Variants in SRGAP2 observed in about 807,000 individuals in gnomAD.
SRGAP2 encodes the protein SLIT-ROBO Rho GTPase-activating protein 2.
SRGAP2 carries 15 observed loss-of-function variants against 57.2 expected under a neutral mutation model. The observed-to-expected ratio is 0.26, with a 90% CI of 0.18 to 0.40. The LOEUF (loss-of-function observed/expected upper bound fraction) is 0.40. Among genes scored for constraint, SRGAP2 ranks in the 10% least tolerant of loss-of-function variants. The pLI is 1.00. For missense variants in SRGAP2, 520 were observed against 669.6 expected (o/e 0.78, Z 2.47); for synonymous variants, 249 against 248.0 (o/e 1.00, Z -0.04).
chr1:206,424,197 A>G (rs1660596118), intron 13 of SRGAP2, among the ~76,000 whole-genome samples: 1 of 151,970 alleles, frequency 6.6e-6, no homozygotes, highest in Admixed American at 6.6e-5. Context: ...AGTTCCCTTA[A>G]TCTGATTGGA....
chr1:206,319,241 C>T (rs1256539474), intron 3 of SRGAP2, among the ~76,000 whole-genome samples: 1 of 147,698 alleles, frequency 6.8e-6, no homozygotes. Flanking sequence ...GAAACCCCAT[C>T]TCTACTAAAA....
chr1:206,398,527 A>G (rs1285679289), intron 7 of SRGAP2, among the ~76,000 whole-genome samples: 1 of 152,012 alleles, frequency 6.6e-6, no homozygotes, highest in Non-Finnish European at 1.5e-5. Context: ...AGCAAAACAA[A>G]TGGCTTCACT....
chr1:206,439,903 T>C, intron 16 of SRGAP2, 73 bp from the exon 17 acceptor site: 1 of 741,076 alleles, frequency 1.3e-6, no homozygotes, highest in Admixed American at 1.9e-5. Context: ...CTGCTGGTAG[T>C]AGGGACTTCT....
Position 206,306,252 on chromosome 1 carries a change from G to T in SRGAP2, c.260+2779G>T, listed in dbSNP as rs1464291583. 1.5e-3 allele frequency among the ~76,000 whole-genome samples: 218 copies of T among 143,294 alleles called. 3 individuals carry two copies. In the East Asian group the frequency reaches 0.03, roughly 20 times the overall value. The allele number at this position is 143,294 out of a possible 152,430, so 94.0% of individuals were successfully genotyped here. On this transcript the variant is annotated intron_variant, in intron 3 of 22. Transcript: ENST00000573034. ...TCTTAAGGTGGTGTGTCTGGAGTCT[G>T]TCCCTTCTGATGTTCAGATGTGTTC... is the stretch of plus-strand genomic sequence containing the variant.
At chr1:206,359,798 CTTTTTTTTTT>C (rs1166916482) in intron 4 of SRGAP2, among the ~76,000 whole-genome samples, 7 of 70,228 alleles carry the variant, frequency 1.0e-4, no homozygotes, top group African/African-American at 2.4e-4. Flanking sequence ...GGATATTGCT[CTTTTTTTTTT>C]TTTTTTTTTT....
At chr1:206,366,532 A>T (rs1186654753) in intron 4 of SRGAP2, among the ~76,000 whole-genome samples, 1 of 151,932 alleles carries the variant, frequency 6.6e-6, no homozygotes, top group East Asian at 1.9e-4. Flanking sequence ...GGGAGAGGAC[A>T]GCCTGGCATG....
intron 10 of SRGAP2, among the ~76,000 whole-genome samples, chr1:206,414,191 T>G (rs1405089603): frequency 1.3e-5 from 2 of 151,962 alleles, no homozygotes; most frequent in South Asian, 2.1e-4. Flanking sequence ...ACCACCACCA[T>G]GCCCGGCTAA....
At chr1:206,371,327 A>C (rs1553342582) in intron 4 of SRGAP2, among the ~76,000 whole-genome samples, 1 of 150,960 alleles carries the variant, frequency 6.6e-6, no homozygotes, top group Non-Finnish European at 1.5e-5. Context: ...TCGCCAGCAG[A>C]CTTGCACTAA....
chr1:206,279,286 CT>C (rs1191565851), intron 2 of SRGAP2, among the ~76,000 whole-genome samples: 1 of 46,462 alleles, frequency 2.2e-5, no homozygotes, highest in African/African-American at 1.3e-4. Context: ...TCAACCCAAC[CT>C]TTCCCTTCGT....
intron 15 of SRGAP2, chr1:206,437,522 T>C (rs1005319957): frequency 7.2e-5 from 13 of 179,978 alleles, no homozygotes; most frequent in Admixed American, 1.1e-4. Flanking sequence ...AAATTTTCCA[T>C]AGGGAGCTCT....
intron 5 of SRGAP2, among the ~76,000 whole-genome samples, chr1:206,389,530 T>A (rs567521442): frequency 1.2e-3 from 178 of 151,996 alleles, no homozygotes; most frequent in Non-Finnish European, 2.1e-3. Flanking sequence ...TTCATCCCAC[T>A]GCTACTTATT....
intron 1 of SRGAP2, 148 bp downstream of exon 1, chr1:206,203,798 G>T (rs1171926334): frequency 6.5e-7 from 1 of 1,531,988 alleles, no homozygotes; most frequent in Non-Finnish European, 8.8e-7. Flanking sequence ...CCCTCAGACC[G>T]CCCCCCCTCC....
At chr1:206,392,153 A>C (rs1657038862) in intron 5 of SRGAP2, among the ~76,000 whole-genome samples, 1 of 152,062 alleles carries the variant, frequency 6.6e-6, no homozygotes, top group African/African-American at 2.4e-5. Flanking sequence ...TGGATAAAGC[A>C]GAACAGACAG....
At chr1:206,434,320 A>T (rs1212875639) in intron 14 of SRGAP2, among the ~76,000 whole-genome samples, 2 of 152,236 alleles carry the variant, frequency 1.3e-5, no homozygotes, top group East Asian at 1.9e-4. Flanking sequence ...CGCCATTTTC[A>T]TGAGGAAGGG....
intron 2 of SRGAP2, among the ~76,000 whole-genome samples, chr1:206,213,509 T>A (rs1666444679): frequency 6.6e-6 from 1 of 152,044 alleles, no homozygotes; most frequent in Non-Finnish European, 1.5e-5. Flanking sequence ...AGGCTAATAA[T>A]TGTGTCTCAG....
chr1:206,284,712 G>C (rs1670924393), intron 2 of SRGAP2, among the ~76,000 whole-genome samples: 1 of 152,164 alleles, frequency 6.6e-6, no homozygotes, highest in South Asian at 2.1e-4. Context: ...GCCTCCCAAA[G>C]TGCTGGGATT....
chr1:206,442,485 G>A (rs1553372358), intron 17 of SRGAP2, among the ~76,000 whole-genome samples: 1 of 152,206 alleles, frequency 6.6e-6, no homozygotes, highest in Non-Finnish European at 1.5e-5. Flanking sequence ...GGGGATGAGG[G>A]GAAAACAGGG....
At chr1:206,339,568 G>A (rs1314383777) in intron 3 of SRGAP2, among the ~76,000 whole-genome samples, 4 of 152,126 alleles carry the variant, frequency 2.6e-5, no homozygotes, top group Admixed American at 2.6e-4. Flanking sequence ...TGGGTCCTGG[G>A]TCTCTTGCTC....
chr1:206,454,964 C>T lies in SRGAP2; in HGVS notation c.2447C>T (p.Ala816Val), dbSNP rs372717466. ...EPPEEKVTAR[A>V]GASCPSGGHV... ...CCTGAAGAAAAGGTGACAGCCAGAGCGGGGGCCAGCTGTCCCAGTGGGGGT... is the reference window on the plus strand; with the variant it reads ...CCTGAAGAAAAGGTGACAGCCAGAGTGGGGGCCAGCTGTCCCAGTGGGGGT... Residue 816 changes from alanine (A) to valine (V), a missense_variant, in exon 21 of 23, where the codon GCG becomes GTG. Ala to Val is a moderately conservative substitution (Grantham distance 64). Around this residue, in one of 5 missense-constraint regions of SRGAP2, gnomAD observed 478 missense variants for 373.6 expected, o/e 1.28. Coordinates refer to ENST00000573034, the MANE Select transcript of SRGAP2 (RefSeq NM_015326.5). This position sits in a 1 kb window ranked among gnomAD's most constrained non-coding sequence, Gnocchi z 4.3. 7 of 780,730 alleles carry T rather than the reference C, an allele frequency of 9.0e-6. No homozygotes were observed. The highest frequency in any genetic ancestry group is 2.4e-5 in the East Asian group (1 of 41,262). 48.4% of individuals were successfully genotyped at this position (780,730 alleles called of 1,614,324 possible). A position where few individuals can be genotyped will look rare whatever the true frequency, so the allele number is the denominator to read the frequency against.
Sources: gnomAD v4.1 joint callset for allele counts (sites outside exome capture counted in the v4.1 genomes callset) on GRCh38, gnomAD v4.1.1 for gene constraint, gnomAD v4.1.1 regional missense constraint, Gnocchi (gnomAD v3.1) non-coding constraint, MANE v1.5 for transcripts, NCBI Gene and HGNC (gene_info 2026-07-23, HGNC 2026-07-21) for gene names.